Variants in SLC25A41 observed in about 807,000 individuals in gnomAD.
SLC25A41 encodes solute carrier family 25 member 41, also known as mitochondrial carrier protein SCaMC-3L.
In SLC25A41, 35 loss-of-function variants were observed where a neutral mutation model predicts 34.7. The ratio of observed to expected loss-of-function variants is 1.01; its 90% CI spans 0.77 to 1.34. The LOEUF (loss-of-function observed/expected upper bound fraction) is 1.34. SLC25A41 is among the 40% of genes most tolerant of loss of function. The pLI, the probability that SLC25A41 is intolerant of heterozygous loss-of-function variation, is 0.00. For missense variants in SLC25A41, 492 were observed against 489.8 expected, an observed-to-expected ratio of 1.00 and a Z score of -0.04; for synonymous variants, 190 against 209.9, an observed-to-expected ratio of 0.91 and a Z score of 0.82.
At chr19:6,434,165 G>A (rs548930767), upstream of SLC25A41, among the ~76,000 whole-genome samples, 4 of 152,072 alleles carry the variant, frequency 2.6e-5, no homozygotes, top group African/African-American at 9.7e-5. Flanking sequence ...GGATGGTCTC[G>A]ATCTCCTGAC....
intron 1 of SLC25A41, among the ~76,000 whole-genome samples, chr19:6,433,055 T>C (rs2092293021): frequency 6.6e-6 from 1 of 152,056 alleles, no homozygotes; most frequent in Non-Finnish European, 1.5e-5. Context: ...TCTTAATTTA[T>C]TCTTATTTTT....
intron 3 of SLC25A41, 32 bp downstream of exon 3, chr19:6,429,977 G>T: frequency 1.2e-6 from 2 of 1,606,360 alleles, no homozygotes; most frequent in East Asian, 2.2e-5. Context: ...GTTTGGGCTT[G>T]AGCTGGGGGA....
chr19:6,428,220 C>T (rs1001858023), intron 4 of SLC25A41, among the ~76,000 whole-genome samples: 18 of 151,866 alleles, frequency 1.2e-4, no homozygotes, highest in African/African-American at 4.4e-4. Context: ...AGTTTGAGAC[C>T]ATCCTGGGCA....
intron 4 of SLC25A41, among the ~76,000 whole-genome samples, chr19:6,429,061 T>A (rs58830151): frequency 1.2e-4 from 1 of 8,492 alleles, no homozygotes; most frequent in African/African-American, 4.0e-4. Context: ...ATATATATGT[T>A]ATATATATAT....
At chr19:6,429,920 G>A in intron 3 of SLC25A41, 89 bp from the exon 4 acceptor site, 1 of 1,588,100 alleles carries the variant, frequency 6.3e-7, no homozygotes, top group South Asian at 1.1e-5. Flanking sequence ...TCTGGAGGGT[G>A]AGTGTGTGCT....
Position 6,426,427 on chromosome 19 carries a change from C to G in SLC25A41, c.1075G>C (p.Val359Leu), listed in dbSNP as rs550730556. 4.8e-5 allele frequency: 78 copies of G among 1,613,870 alleles called. 4 individuals are homozygous for G. In the Middle Eastern group the frequency reaches 3.6e-3, roughly 75 times the overall value. ...KVLPAGGISY[V>L]VYEAMKKTLG... The stretch of plus-strand genomic sequence containing the variant: ...GTTTTCTTCATGGCTTCGTACACCA[C>G]ATAGCTGATGCCACCTGCTGGTAAG... Residue 359 changes from valine (V) to leucine (L), a missense_variant, in exon 7 of 7, where the codon GTG becomes CTG. Coordinates refer to ENST00000321510, the MANE Select transcript of SLC25A41 (RefSeq NM_173637.4).
rs2092276531 is a variant in SLC25A41 at position 6,429,803 on chromosome 19, C to T, written c.545G>A (p.Gly182Glu). ...QCKNYFCGIQ[G>E]SPPFQERLLA... ...GAGACGCTCCTGGAAGGGCGGGGACCCTTGTATTCCACAGAAGTAATTCTT... is the reference window on the plus strand; with the variant it reads ...GAGACGCTCCTGGAAGGGCGGGGACTCTTGTATTCCACAGAAGTAATTCTT... The change falls in exon 4 of 7, where the codon GGG (glycine) becomes GAG (glutamate). Residue 182 changes from glycine (G) to glutamate (E), a missense_variant. Coordinates refer to ENST00000321510, the MANE Select transcript of SLC25A41 (RefSeq NM_173637.4). 1 of 1,611,036 alleles carries T rather than the reference C, an allele frequency of 6.2e-7. No individual in the cohort carries two copies. The highest frequency in any genetic ancestry group is 8.5e-7 in the Non-Finnish European group (1 of 1,178,910).
rs527921699 is a variant in SLC25A41 at position 6,427,767 on chromosome 19, G to A, written c.625-266C>T. Reference sequence around the variant, plus strand: ...TTTGGGAGGCTGAGGCGGGAGGATCGCTTGAGGCCGGGAGTTCGAGACCAG... The same window carrying A: ...TTTGGGAGGCTGAGGCGGGAGGATCACTTGAGGCCGGGAGTTCGAGACCAG... On this transcript the variant is annotated intron_variant, in intron 4 of 6. Transcript: ENST00000321510. The surrounding 1 kb of genome is among the most constrained non-coding windows in gnomAD (Gnocchi z 4.9). Among the ~76,000 whole-genome samples, 128 of 152,264 alleles carry A rather than the reference G, an allele frequency of 8.4e-4. No homozygotes were observed. Among genetic ancestry groups the A allele is most frequent in the South Asian group, 1.4e-3 (7 of 4,828 alleles).
intron 4 of SLC25A41, among the ~76,000 whole-genome samples, chr19:6,428,318 G>A (rs1405573256): frequency 1.3e-5 from 2 of 150,684 alleles, no homozygotes; most frequent in Non-Finnish European, 2.9e-5. Flanking sequence ...AGAATCGCTT[G>A]AACCCAGAAG....
chr19:6,428,140 G>C (rs2092252684), intron 4 of SLC25A41, among the ~76,000 whole-genome samples: 1 of 152,072 alleles, frequency 6.6e-6, no homozygotes, highest in Non-Finnish European at 1.5e-5. Flanking sequence ...CCCTAGGTCG[G>C]GTGCGGTAGC....
intron 2 of SLC25A41, 29 bp downstream of exon 2, chr19:6,432,020 G>C: frequency 8.1e-6 from 13 of 1,595,176 alleles, no homozygotes; most frequent in Non-Finnish European, 1.1e-5. Flanking sequence ...CCAGCGCTGG[G>C]TCCCGTCCTC....
chr19:6,426,963 C>A (rs747777478), intron 6 of SLC25A41, 140 bp downstream of exon 6: 7 of 916,526 alleles, frequency 7.6e-6, no homozygotes, highest in Non-Finnish European at 1.1e-5. Flanking sequence ...ATTTTTGAGA[C>A]GCAGTCTCAA....
intron 4 of SLC25A41, among the ~76,000 whole-genome samples, chr19:6,429,458 A>AGGAAGGAG (rs1429257017): frequency 3.8e-4 from 1 of 2,642 alleles, no homozygotes; most frequent in Non-Finnish European, 1.0e-3. Flanking sequence ...GGAAGAAAGG[A>AGGAAGGAG]GGGGAGGAGG....
intron 1 of SLC25A41, among the ~76,000 whole-genome samples, chr19:6,432,594 GTTTTT>G (rs747702643): frequency 8.3e-6 from 1 of 121,078 alleles, no homozygotes; most frequent in Admixed American, 9.3e-5. Flanking sequence ...TTTTTGTTTT[GTTTTT>G]GTTTTTTTTT....
At position 6,429,188 on chromosome 19, in the gene SLC25A41, T is replaced by C. The variant is rs1032079761; in HGVS notation, c.624+536A>G. On this transcript the variant is annotated intron_variant, in intron 4 of 6. Coordinates refer to ENST00000321510, the MANE Select transcript of SLC25A41 (RefSeq NM_173637.4). ...TAATATATATATAATATATATATGT[T>C]ATATATATAATATATATGTTGTATA... 6.3e-4 allele frequency among the ~76,000 whole-genome samples: 50 copies of C among 78,948 alleles called. 1 individual carries two copies. The highest frequency in any genetic ancestry group is 1.9e-3 in the South Asian group (5 of 2,614). The allele number at this position is 78,948 out of a possible 152,430, so 51.8% of individuals were successfully genotyped here.
chr19:6,429,055 ATATG>A (rs1480770678), intron 4 of SLC25A41, among the ~76,000 whole-genome samples: 1 of 53,074 alleles, frequency 1.9e-5, no homozygotes, highest in African/African-American at 1.1e-4. Context: ...TATATTATAT[ATATG>A]TTATATATAT....
chr19:6,426,455 C>T lies in SLC25A41; in HGVS notation c.1047G>A (p.Lys349=), dbSNP rs752868799. 42 of 1,613,694 alleles carry T rather than the reference C, an allele frequency of 2.6e-5. No homozygotes were observed. Among genetic ancestry groups the T allele is most frequent in the Non-Finnish European group, 3.3e-5 (39 of 1,179,852 alleles). Residue 349 remains lysine (K), a synonymous_variant, in exon 7 of 7, where the codon AAG becomes AAA. Coordinates refer to ENST00000321510, the MANE Select transcript of SLC25A41 (RefSeq NM_173637.4). The stretch of plus-strand genomic sequence containing the variant: ...AGCTGATGCCACCTGCTGGTAAGAC[C>T]TTCAGTAGCGTGGGGGTCATGCCTC... ...LYRGMTPTLL[K]VLPAGGISYV...
intron 3 of SLC25A41, 46 bp from the exon 4 acceptor site, chr19:6,429,877 G>C: frequency 6.3e-7 from 1 of 1,597,724 alleles, no homozygotes; most frequent in Non-Finnish European, 8.6e-7. Flanking sequence ...GCCACCCTCC[G>C]ACACAAAACC....
At chr19:6,429,929 C>T in intron 3 of SLC25A41, 80 bp downstream of exon 3, 7 of 1,590,810 alleles carry the variant, frequency 4.4e-6, no homozygotes, top group Non-Finnish European at 6.0e-6. Context: ...TGAGTGTGTG[C>T]TTGAACAAGG....
Sources: allele counts gnomAD v4.1 joint callset (sites outside exome capture counted in the v4.1 genomes callset), GRCh38; gene constraint gnomAD v4.1.1; non-coding constraint Gnocchi (gnomAD v3.1); transcripts MANE v1.5; gene names NCBI Gene and HGNC (gene_info 2026-07-23, HGNC 2026-07-21).